SUPT3H: variants seen among roughly 807,000 people sequenced by gnomAD.
SUPT3H encodes transcription initiation protein SPT3 homolog.
Under a neutral mutation model 44.3 loss-of-function variants are expected in SUPT3H, and 44 were observed. The observed-to-expected ratio is 0.99, with a 90% CI of 0.78 to 1.28. SUPT3H has a LOEUF of 1.28. Ranked by LOEUF, SUPT3H falls within the 50% of genes most tolerant of loss-of-function variation. The pLI is 0.00. For synonymous variants in SUPT3H, 124 were observed against 125.6 expected, an observed-to-expected ratio of 0.99 and a Z score of 0.09; for missense variants, 380 against 387.1, an observed-to-expected ratio of 0.98 and a Z score of 0.15.
intron 2 of SUPT3H, among the ~76,000 whole-genome samples, chr6:45,138,613 G>A (rs1465400407): frequency 1.3e-5 from 2 of 152,146 alleles, no homozygotes; most frequent in African/African-American, 2.4e-5. Flanking sequence ...CTCTGTGTGT[G>A]TGTGTGTCTG....
intron 6 of SUPT3H, among the ~76,000 whole-genome samples, chr6:44,998,344 C>T (rs1282645657): frequency 6.6e-6 from 1 of 151,862 alleles, no homozygotes; most frequent in East Asian, 1.9e-4. Context: ...GTAAAAATTA[C>T]ACATTTATAT....
intron 6 of SUPT3H, among the ~76,000 whole-genome samples, chr6:44,995,231 T>C (rs985492393): frequency 2.0e-5 from 3 of 152,066 alleles, no homozygotes; most frequent in Admixed American, 2.0e-4. Context: ...ATCTAATAGA[T>C]GTTACTGCAT....
At chr6:45,243,212 A>AAAAAAAC in intron 2 of SUPT3H, among the ~76,000 whole-genome samples, 1 of 150,414 alleles carries the variant, frequency 6.6e-6, no homozygotes, top group Admixed American at 6.6e-5. Context: ...AAAAAAAAAA[A>AAAAAAAC]AAAAAAAAGC....
At chr6:44,869,131 G>A (rs978660570) in intron 10 of SUPT3H, among the ~76,000 whole-genome samples, 2 of 152,290 alleles carry the variant, frequency 1.3e-5, no homozygotes, top group African/African-American at 4.8e-5. Flanking sequence ...AACATCTCTA[G>A]CAGTGCCAGC....
intron 10 of SUPT3H, among the ~76,000 whole-genome samples, chr6:44,890,380 C>T (rs1000537726): frequency 2.6e-5 from 4 of 151,754 alleles, no homozygotes; most frequent in African/African-American, 4.8e-5. Context: ...CAATGATAGA[C>T]TGGATTAAGA....
intron 2 of SUPT3H, among the ~76,000 whole-genome samples, chr6:45,117,642 A>G (rs1213019714): frequency 6.6e-6 from 1 of 152,038 alleles, no homozygotes; most frequent in Non-Finnish European, 1.5e-5. Flanking sequence ...TACATAATCT[A>G]ATTTGTCACC....
At chr6:45,128,212 A>T (rs1334209045) in intron 2 of SUPT3H, among the ~76,000 whole-genome samples, 1 of 152,010 alleles carries the variant, frequency 6.6e-6, no homozygotes, top group Non-Finnish European at 1.5e-5. Context: ...CTGTCTTAGA[A>T]AATATAATTA....
intron 2 of SUPT3H, among the ~76,000 whole-genome samples, chr6:45,180,496 CATGGTACTGGTACCAAAACAGA>C (rs70996307): frequency 0.54 from 73,473 of 136,308 alleles, 18,905 homozygotes; most frequent in African/African-American, 0.7. Flanking sequence ...ACCAAAACAG[CATGGTACTGGTACCAAAACAGA>C]GATATAGATC....
chr6:44,960,645 G>A (rs910183054), intron 7 of SUPT3H, among the ~76,000 whole-genome samples: 43 of 151,930 alleles, frequency 2.8e-4, no homozygotes, highest in Admixed American at 9.2e-4. Flanking sequence ...TTTATAAACT[G>A]GAGGTTGATA....
intron 2 of SUPT3H, among the ~76,000 whole-genome samples, chr6:45,165,433 T>A (rs79923055): frequency 0.028 from 4,204 of 152,300 alleles, 222 homozygotes; most frequent in African/African-American, 0.095. Flanking sequence ...ACTGTTCATT[T>A]AAAAGCATTA....
rs575447320 is a variant in SUPT3H, at chr6:45,199,487, G to GAA, written c.102-93483_102-93482dup. 2.8e-5 allele frequency among the ~76,000 whole-genome samples: 4 copies of GAA among 145,430 alleles called. No homozygotes were observed. In the South Asian group the frequency reaches 8.6e-4, roughly 31 times the overall value. On this transcript the variant is annotated intron_variant, in intron 2 of 10. Transcript: ENST00000371459. Reference sequence around the variant, plus strand: ...GATCATTTCCTGGGCTTCTTACAGTGAAAAAAAAAAGTCATTTGTTTTAGA... The same window carrying GAA: ...GATCATTTCCTGGGCTTCTTACAGTGAAAAAAAAAAAAGTCATTTGTTTTAGA...
At chr6:45,011,222 T>C (rs1370164925) in intron 5 of SUPT3H, among the ~76,000 whole-genome samples, 1 of 152,126 alleles carries the variant, frequency 6.6e-6, no homozygotes, top group Non-Finnish European at 1.5e-5. Flanking sequence ...TCAATCTATA[T>C]TACCTTTATA....
chr6:45,047,306 G>A (rs1789555427), intron 3 of SUPT3H, among the ~76,000 whole-genome samples: 1 of 152,176 alleles, frequency 6.6e-6, no homozygotes, highest in African/African-American at 2.4e-5. Flanking sequence ...ATTCAGTCTT[G>A]AGCTTTACTA....
At chr6:45,318,610 A>C (rs1785043577) in intron 2 of SUPT3H, among the ~76,000 whole-genome samples, 1 of 152,184 alleles carries the variant, frequency 6.6e-6, no homozygotes, top group South Asian at 2.1e-4. Context: ...TATTAATTTA[A>C]GATATTATCA....
intron 2 of SUPT3H, among the ~76,000 whole-genome samples, chr6:45,216,309 T>C (rs1000475463): frequency 1.3e-5 from 2 of 151,742 alleles, no homozygotes; most frequent in East Asian, 1.9e-4. Context: ...CAGATACCTA[T>C]GAGAAAGTGA....
chr6:45,365,124 ATGT>A (rs745904830), intron 2 of SUPT3H, 74 bp downstream of exon 2: 54 of 834,864 alleles, frequency 6.5e-5, no homozygotes, highest in South Asian at 9.4e-5. Flanking sequence ...AGTTTTATAA[ATGT>A]TGTTATGTCT....
At chr6:44,897,657 C>T (rs1764312934) in intron 10 of SUPT3H, among the ~76,000 whole-genome samples, 1 of 152,206 alleles carries the variant, frequency 6.6e-6, no homozygotes, top group Non-Finnish European at 1.5e-5. Flanking sequence ...CTAGGAACTC[C>T]AGAAATTAAT....
intron 9 of SUPT3H, among the ~76,000 whole-genome samples, chr6:44,946,376 T>C (rs894271605): frequency 6.6e-6 from 1 of 152,222 alleles, no homozygotes; most frequent in African/African-American, 2.4e-5. Flanking sequence ...TAGATAGTGA[T>C]TCCTCTGATG....
chr6:45,199,402 A>T (rs879835686), intron 2 of SUPT3H, among the ~76,000 whole-genome samples: 3 of 151,342 alleles, frequency 2.0e-5, no homozygotes, highest in Non-Finnish European at 3.0e-5. Context: ...ACAATTCTGC[A>T]GCACCTTAAG....
Sources: allele counts gnomAD v4.1 joint callset (sites outside exome capture counted in the v4.1 genomes callset), GRCh38; gene constraint gnomAD v4.1.1; transcripts MANE v1.5; gene names NCBI Gene and HGNC (gene_info 2026-07-23, HGNC 2026-07-21).